DRC8: variants seen among roughly 807,000 people sequenced by gnomAD.
DRC8 encodes dynein regulatory complex protein 8.
At chr1:245,034,074 G>A in the DRC8 span, among the ~76,000 whole-genome samples, 1 of 152,066 alleles carries the variant, frequency 6.6e-6, no homozygotes, top group Non-Finnish European at 1.5e-5. Context: ...TCTGCTTTGG[G>A]ACGATTATCT....
chr1:244,979,892 G>A, the DRC8 span, among the ~76,000 whole-genome samples: 2 of 151,678 alleles, frequency 1.3e-5, no homozygotes, highest in Admixed American at 6.6e-5. Flanking sequence ...TATTCTTAAA[G>A]CATTGGTGAG....
chr1:245,001,438 C>A, the DRC8 span, among the ~76,000 whole-genome samples: 11 of 152,258 alleles, frequency 7.2e-5, no homozygotes, highest in Middle Eastern at 3.4e-3. Context: ...CCTGGCCATA[C>A]CCCAGACCTG....
At chr1:245,124,412 C>T in the DRC8 span, 1 of 152,156 alleles carries the variant, frequency 6.6e-6, no homozygotes, top group Non-Finnish European at 1.5e-5. Flanking sequence ...TGTCCAGCCC[C>T]AGGACAGGCA....
the DRC8 span, among the ~76,000 whole-genome samples, chr1:245,105,882 G>A: frequency 2.0e-5 from 3 of 152,080 alleles, no homozygotes; most frequent in Non-Finnish European, 2.9e-5. Context: ...TTTGAGAGAC[G>A]CCTGGGCAAC....
chr1:245,107,672 C>A, the DRC8 span, among the ~76,000 whole-genome samples: 70 of 152,322 alleles, frequency 4.6e-4, no homozygotes, highest in South Asian at 1.0e-3. Context: ...CCACGCTGCC[C>A]TCTCCTGGTT....
chr1:245,087,137 G>A, the DRC8 span: 1 of 1,486,564 alleles, frequency 6.7e-7, no homozygotes, highest in Non-Finnish European at 9.0e-7. Flanking sequence ...AGCGTAACTA[G>A]TGGCACTGTG....
the DRC8 span, among the ~76,000 whole-genome samples, chr1:245,048,040 A>T: frequency 6.6e-6 from 1 of 151,958 alleles, no homozygotes; most frequent in East Asian, 1.9e-4. Flanking sequence ...GTGGATCATC[A>T]TAAAGGTCTT....
At chr1:245,123,673 A>G in the DRC8 span, 1,020 of 152,616 alleles carry the variant, frequency 6.7e-3, 8 homozygotes, top group Non-Finnish European at 9.0e-3. This position sits in a 1 kb window ranked among gnomAD's most constrained non-coding sequence, Gnocchi z 5.0. Flanking sequence ...GGGAAACCAG[A>G]TCAGAACCTG....
chr1:245,014,921 A>T, the DRC8 span, among the ~76,000 whole-genome samples: 1 of 152,248 alleles, frequency 6.6e-6, no homozygotes, highest in Admixed American at 6.5e-5. Context: ...AAGAATATGT[A>T]TGAAGAAAGA....
chr1:245,029,753 G>A, the DRC8 span, among the ~76,000 whole-genome samples: 209 of 151,818 alleles, frequency 1.4e-3, 1 homozygote, highest in South Asian at 0.011. Flanking sequence ...GAGCCACCAC[G>A]CCTGGCCAAT....
chr1:245,034,860 G>GTTTTT, the DRC8 span, among the ~76,000 whole-genome samples: 10 of 136,300 alleles, frequency 7.3e-5, no homozygotes, highest in African/African-American at 2.7e-4. Context: ...ATAAATGAAA[G>GTTTTT]TTTTTTTTTT....
chr1:245,020,572 A>C, the DRC8 span, among the ~76,000 whole-genome samples: 1 of 135,686 alleles, frequency 7.4e-6, no homozygotes, highest in African/African-American at 2.8e-5. Context: ...TGTTCTTTTC[A>C]TTCTCACTGT....
chr1:245,009,171 G>A, the DRC8 span, among the ~76,000 whole-genome samples: 4 of 151,266 alleles, frequency 2.6e-5, no homozygotes, highest in South Asian at 8.3e-4. Context: ...GAGTAGCTGG[G>A]ATTACAGGCT....
chr1:245,117,010 C>T, the DRC8 span, among the ~76,000 whole-genome samples: 1 of 152,166 alleles, frequency 6.6e-6, no homozygotes, highest in Non-Finnish European at 1.5e-5. Context: ...CAAAGATATC[C>T]AAGGTTAAGC....
the DRC8 span, among the ~76,000 whole-genome samples, chr1:245,090,821 A>G: frequency 6.6e-6 from 1 of 151,994 alleles, no homozygotes; most frequent in African/African-American, 2.4e-5. Context: ...GTCCCAGTGT[A>G]ATTATTAATA....
At chr1:245,016,270 C>T in the DRC8 span, among the ~76,000 whole-genome samples, 42 of 152,302 alleles carry the variant, frequency 2.8e-4, no homozygotes, top group Non-Finnish European at 4.1e-4. Context: ...TGTGAGCCAC[C>T]GCACCTAGCC....
At chr1:244,992,658 T>G in the DRC8 span, among the ~76,000 whole-genome samples, 1 of 152,122 alleles carries the variant, frequency 6.6e-6, no homozygotes, top group African/African-American at 2.4e-5. Context: ...GAGAATCACT[T>G]GAACCTGGGA....
the DRC8 span, among the ~76,000 whole-genome samples, chr1:244,974,917 CTCTTTATTT>C: frequency 6.6e-6 from 1 of 151,872 alleles, no homozygotes; most frequent in South Asian, 2.1e-4. Flanking sequence ...TGGTCTCAAA[CTCTTTATTT>C]TTTTTATTTT....
chr1:245,010,971 G>T, the DRC8 span, among the ~76,000 whole-genome samples: 28 of 152,060 alleles, frequency 1.8e-4, no homozygotes, highest in Middle Eastern at 0.014. Flanking sequence ...GTGAGCCACC[G>T]CGCCCAGCCT....
Sources: gnomAD v4.1 joint callset for allele counts (sites outside exome capture counted in the v4.1 genomes callset) on GRCh38, gnomAD v4.1.1 for gene constraint, Gnocchi (gnomAD v3.1) non-coding constraint, MANE v1.5 for transcripts, NCBI Gene and HGNC (gene_info 2026-07-23, HGNC 2026-07-21) for gene names.